The following GAREM1 variants were observed in gnomAD, a reference collection of about 807,000 sequenced individuals.
GAREM1 encodes GRB2-associated and regulator of MAPK protein 1.
In GAREM1, 26 loss-of-function variants were observed where a neutral mutation model predicts 71.3. The observed-to-expected ratio is 0.36, with a 90% CI of 0.27 to 0.51. The LOEUF is 0.51. Ranked by LOEUF, GAREM1 falls within the 20% of genes least tolerant of loss-of-function variation. The pLI is 0.95. For missense variants in GAREM1, 1,026 were observed against 1,103.1 expected (o/e 0.93, Z 0.99); for synonymous variants, 440 against 433.2 (o/e 1.02, Z -0.20).
chr18:32,425,070 C>T (rs1467795218), intron 1 of GAREM1, among the ~76,000 whole-genome samples: 1 of 152,114 alleles, frequency 6.6e-6, no homozygotes, highest in Non-Finnish European at 1.5e-5. Context: ...CACTTGGCTC[C>T]TCCCCTCCAC....
chr18:32,425,114 TTTG>T (rs2048562398), intron 1 of GAREM1, among the ~76,000 whole-genome samples: 1 of 152,228 alleles, frequency 6.6e-6, no homozygotes, highest in Non-Finnish European at 1.5e-5. Flanking sequence ...CATATGTTAA[TTTG>T]TTATTACTCA....
chr18:32,430,582 T>C (rs562694959), intron 1 of GAREM1, among the ~76,000 whole-genome samples: 9 of 152,242 alleles, frequency 5.9e-5, no homozygotes, highest in Non-Finnish European at 1.2e-4. Flanking sequence ...AATGCAGTTA[T>C]AAACCATAGA....
chr18:32,326,483 G>C (rs1350621383), intron 2 of GAREM1, among the ~76,000 whole-genome samples: 8 of 152,158 alleles, frequency 5.3e-5, no homozygotes, highest in Non-Finnish European at 1.0e-4. Flanking sequence ...CTCTTGCTAA[G>C]TCTTTTTCTT....
chr18:32,389,633 T>C (rs955565977), intron 2 of GAREM1, among the ~76,000 whole-genome samples: 3 of 152,192 alleles, frequency 2.0e-5, no homozygotes, highest in Non-Finnish European at 2.9e-5. Flanking sequence ...CATTTCAACC[T>C]AGATGAAATT....
chr18:32,401,231 C>T (rs953491317), intron 1 of GAREM1, among the ~76,000 whole-genome samples: 10 of 151,888 alleles, frequency 6.6e-5, no homozygotes, highest in East Asian at 1.9e-4. Flanking sequence ...ATGTAAATGA[C>T]GAGTTAATGG....
In GAREM1 at chr18:32,268,219, A is replaced by T. The variant is rs763332754; in HGVS notation, c.2283T>A (p.Asp761Glu). 3 of 1,613,920 alleles carry T rather than the reference A, an allele frequency of 1.9e-6. No homozygotes were observed. The highest frequency in any genetic ancestry group is 2.5e-6 in the Non-Finnish European group (3 of 1,180,038). ...AEEDPKSGSP[D>E]LSEDQYFVKK... Reference sequence around the variant, plus strand: ...TAACAAAATACTGGTCCTCCGAGAGATCTGGTGACCCAGACTTGGGGTCTT... The same window carrying T: ...TAACAAAATACTGGTCCTCCGAGAGTTCTGGTGACCCAGACTTGGGGTCTT... The change falls in exon 6 of 6, where the codon GAT becomes GAA. Residue 761 changes from aspartate (D) to glutamate (E), a missense_variant. Physicochemically the swap from Asp to Glu is conservative, Grantham distance 45. This residue lies in a region of GAREM1 where 636 missense variants were observed against 631.2 expected (regional missense o/e 1.01). Transcript: ENST00000269209.
intron 1 of GAREM1, among the ~76,000 whole-genome samples, chr18:32,441,426 A>G (rs1340528309): frequency 6.6e-6 from 1 of 152,144 alleles, no homozygotes; most frequent in African/African-American, 2.4e-5. Flanking sequence ...CAGAGTAAAT[A>G]TTCAATATAT....
At chr18:32,392,203 G>GTTT (rs35687173) in intron 2 of GAREM1, among the ~76,000 whole-genome samples, 31 of 147,526 alleles carry the variant, frequency 2.1e-4, no homozygotes, top group African/African-American at 4.0e-4. Flanking sequence ...GGTAACATAA[G>GTTT]TTTTTTTTTT....
chr18:32,355,889 T>C (rs1437408302), intron 2 of GAREM1, among the ~76,000 whole-genome samples: 1 of 152,218 alleles, frequency 6.6e-6, no homozygotes, highest in Non-Finnish European at 1.5e-5. Flanking sequence ...TATACAGTTA[T>C]TAGAGAAGGC....
At chr18:32,398,659 A>G (rs1462751614) in intron 1 of GAREM1, among the ~76,000 whole-genome samples, 2 of 152,218 alleles carry the variant, frequency 1.3e-5, no homozygotes, top group African/African-American at 4.8e-5. Context: ...AGGCTCTGAA[A>G]TTGAGGCAAT....
chr18:32,438,952 C>A (rs1251465330), intron 1 of GAREM1, among the ~76,000 whole-genome samples: 1 of 152,170 alleles, frequency 6.6e-6, no homozygotes, highest in Non-Finnish European at 1.5e-5. Flanking sequence ...CACACATCCT[C>A]CCATGAGTAA....
chr18:32,302,126 T>C (rs371927184), intron 3 of GAREM1, among the ~76,000 whole-genome samples: 28 of 152,314 alleles, frequency 1.8e-4, no homozygotes, highest in African/African-American at 6.7e-4. Context: ...CTCAAATCCA[T>C]AAATAGAGTG....
In GAREM1 at chr18:32,310,314, T is replaced by C; in HGVS notation, c.272A>G (p.Lys91Arg). ...TATATCTCGGTCTTGTTCCAGCAGC[T>C]TGAATTGCCCTAAAACACAGGATAA... ...EIPVHYAGQFKLLEQDRDIKE... is the reference protein window; with the variant it reads ...EIPVHYAGQFRLLEQDRDIKE... Residue 91 changes from lysine (K) to arginine (R), a missense_variant, in exon 3 of 6, where the codon AAG (lysine) becomes AGG (arginine). Transcript: ENST00000269209. 1 of 1,614,120 alleles carries C rather than the reference T, an allele frequency of 6.2e-7. No individual in the cohort carries two copies. The highest frequency in any genetic ancestry group is 8.5e-7 in the Non-Finnish European group (1 of 1,179,974).
At chr18:32,286,984 G>A in intron 4 of GAREM1, 47 bp downstream of exon 4, 1 of 1,334,600 alleles carries the variant, frequency 7.5e-7, no homozygotes, top group Non-Finnish European at 1.1e-6. Flanking sequence ...TGACTGAGCA[G>A]AGAGACAGAA....
In GAREM1 at chr18:32,268,508, C is replaced by A; in HGVS notation, c.1994G>T (p.Cys665Phe). The A allele has an allele frequency of 1.2e-6, 2 of 1,614,158 alleles. No homozygotes were observed. The highest frequency in any genetic ancestry group is 1.7e-6 in the Non-Finnish European group (2 of 1,180,028). Residue 665 changes from cysteine (C) to phenylalanine (F), a missense_variant, in exon 6 of 6, where the codon TGC becomes TTC. By Grantham distance (205) the Cys-to-Phe change is radical (BLOSUM62 -2). Around this residue, in one of 3 missense-constraint regions of GAREM1, gnomAD observed 636 missense variants for 631.2 expected, o/e 1.01. Coordinates refer to ENST00000269209, the MANE Select transcript of GAREM1 (RefSeq NM_001242409.2). Reference sequence around the variant, plus strand: ...GCCATCAAAATCAAAAGGTGCTGGGCAGTTTCTCTTTGGTGTGCCTGGCGT... The same window carrying A: ...GCCATCAAAATCAAAAGGTGCTGGGAAGTTTCTCTTTGGTGTGCCTGGCGT... ...QKTPGTPKRN[C>F]PAPFDFDGCE...
intron 1 of GAREM1, among the ~76,000 whole-genome samples, chr18:32,450,081 T>C (rs1307831369): frequency 2.0e-5 from 3 of 152,174 alleles, no homozygotes; most frequent in Admixed American, 6.5e-5. Context: ...AAAAAGAATA[T>C]TATTACAGTA....
At chr18:32,385,044 T>A (rs2048132176) in intron 2 of GAREM1, among the ~76,000 whole-genome samples, 1 of 152,150 alleles carries the variant, frequency 6.6e-6, no homozygotes, top group Non-Finnish European at 1.5e-5. Context: ...ACTAATATAC[T>A]ACTTAATTAC....
At chr18:32,303,689 G>A (rs1428601206) in intron 3 of GAREM1, among the ~76,000 whole-genome samples, 4 of 151,536 alleles carry the variant, frequency 2.6e-5, no homozygotes, top group African/African-American at 7.3e-5. Flanking sequence ...AGGCTGAGGC[G>A]GGAAGACTGT....
chr18:32,386,843 T>C (rs1010598675), intron 2 of GAREM1, among the ~76,000 whole-genome samples: 1 of 152,144 alleles, frequency 6.6e-6, no homozygotes, highest in African/African-American at 2.4e-5. Context: ...TGATTTTGTA[T>C]TACTCACGTG....
Sources: allele counts gnomAD v4.1 joint callset (sites outside exome capture counted in the v4.1 genomes callset), GRCh38; gene constraint gnomAD v4.1.1; regional missense constraint gnomAD v4.1.1; transcripts MANE v1.5; gene names NCBI Gene and HGNC (gene_info 2026-07-23, HGNC 2026-07-21).